KCND3: variants seen among roughly 807,000 people sequenced by gnomAD.
KCND3 encodes A-type voltage-gated potassium channel KCND3.
KCND3 carries 9 observed loss-of-function variants against 51.1 expected under a neutral mutation model. That is an observed-to-expected ratio of 0.18 (90% CI 0.11 to 0.31). The LOEUF is 0.31. Ranked by LOEUF, KCND3 falls within the 10% of genes least tolerant of loss-of-function variation. The probability of loss-of-function intolerance (pLI) is 1.00; values close to 1 mark genes in which losing one functional copy is unlikely to be tolerated. For missense variants in KCND3, 526 were observed against 903.8 expected (o/e 0.58, Z 5.36); for synonymous variants, 349 against 368.0 (o/e 0.95, Z 0.59).
At chr1:111,867,377 T>C (rs367880449) in intron 2 of KCND3, among the ~76,000 whole-genome samples, 7 of 152,226 alleles carry the variant, frequency 4.6e-5, no homozygotes, top group Non-Finnish European at 8.8e-5. Context: ...CAGGATTTAC[T>C]GAAAACAGGA....
rs114817292 is a variant in KCND3 at position 111,953,823 on chromosome 1, A to G, written c.1106+27798T>C. Among the ~76,000 whole-genome samples the G allele has an allele frequency of 3.0e-3, 453 of 152,304 alleles. 3 individuals are homozygous for G. The highest frequency in any genetic ancestry group is 0.01 in the African/African-American group (434 of 41,566). Reference sequence around the variant, plus strand: ...CTGCTCTCCTCTCCCTGCCTGCCTCAGTTCCAACCCAGGGACGCTTTGGTT... The same window carrying G: ...CTGCTCTCCTCTCCCTGCCTGCCTCGGTTCCAACCCAGGGACGCTTTGGTT... On this transcript the variant is annotated intron_variant, in intron 2 of 7. Coordinates refer to ENST00000302127, the MANE Select transcript of KCND3 (RefSeq NM_001378969.1).
At position 111,909,160 on chromosome 1, in the gene KCND3, A is replaced by G. The variant is rs190637747; in HGVS notation, c.1106+72461T>C. On this transcript the variant is annotated intron_variant, in intron 2 of 7. Transcript: ENST00000302127. ...CCACACACACTCTTTCATGCAGTCA[A>G]CATTCCTGCCCCACAATAGGTGTGA... 1.7e-4 allele frequency among the ~76,000 whole-genome samples: 26 copies of G among 152,220 alleles called. No individual in the cohort carries two copies. The East Asian group carries it at 3.1e-3, about 18-fold the overall frequency.
intron 2 of KCND3, among the ~76,000 whole-genome samples, chr1:111,806,677 AT>A (rs766892479): frequency 1.3e-5 from 2 of 152,268 alleles, no homozygotes; most frequent in African/African-American, 2.4e-5. Flanking sequence ...TCTTAAAAAC[AT>A]CAAAGACATA....
At chr1:111,817,472 G>C (rs1448232044) in intron 2 of KCND3, among the ~76,000 whole-genome samples, 1 of 152,116 alleles carries the variant, frequency 6.6e-6, no homozygotes, top group Non-Finnish European at 1.5e-5. Flanking sequence ...GTTTATTATA[G>C]CACAGACCCG....
chr1:111,854,326 G>A (rs1667956664), intron 2 of KCND3, among the ~76,000 whole-genome samples: 1 of 152,248 alleles, frequency 6.6e-6, no homozygotes, highest in Non-Finnish European at 1.5e-5. Context: ...ATTGTTCTGT[G>A]TTTTAATTTG....
chr1:111,777,419 G>A (rs1664177406), intron 6 of KCND3, 146 bp from the exon 7 acceptor site: 23 of 846,584 alleles, frequency 2.7e-5, no homozygotes, highest in Middle Eastern at 3.3e-4. Flanking sequence ...GCATTCAGGA[G>A]GGGTGATGTC....
chr1:111,985,262 C>T (rs1433117542), intron 1 of KCND3, among the ~76,000 whole-genome samples: 1 of 152,146 alleles, frequency 6.6e-6, no homozygotes, highest in Admixed American at 6.5e-5. Flanking sequence ...CTCAAGAGAT[C>T]CCACCGACAA....
At chr1:111,872,443 C>T (rs774646955) in intron 2 of KCND3, among the ~76,000 whole-genome samples, 2 of 152,122 alleles carry the variant, frequency 1.3e-5, no homozygotes, top group African/African-American at 4.8e-5. Context: ...ACCTGTGAAC[C>T]TTTTTATCAT....
chr1:111,828,963 C>T (rs939194033), intron 2 of KCND3, among the ~76,000 whole-genome samples: 9 of 152,214 alleles, frequency 5.9e-5, no homozygotes, highest in Admixed American at 4.6e-4. Context: ...GGCTTTCTGC[C>T]TTTCTCAGTA....
rs72548738 is a variant in KCND3, at chr1:111,775,819, A to AC, written c.*257dup. On this transcript the variant is annotated 3_prime_UTR_variant, in exon 8 of 8. Transcript: ENST00000302127. ...GCCTATATCCCCCGGCCTATCCCCG[A>AC]CCCCCCCACCCTCCCTCCCTTCCTC... is the stretch of plus-strand genomic sequence containing the variant. 0.044 allele frequency: 4,367 copies of AC among 98,172 alleles called. 314 individuals are homozygous for AC. Among genetic ancestry groups the AC allele is most frequent in the Non-Finnish European group, 0.054 (2,786 of 51,418 alleles). 6.1% of individuals were successfully genotyped at this position (98,172 alleles called of 1,614,324 possible).
In KCND3 at chr1:111,771,156, G is replaced by A. The variant is rs1035265975; in HGVS notation, c.*4921C>T. The A allele has an allele frequency of 6.6e-6, 1 of 152,170 alleles. No homozygotes were observed. Among genetic ancestry groups the A allele is most frequent in the African/African-American group, 2.4e-5 (1 of 41,448 alleles). 9.4% of individuals were successfully genotyped at this position (152,170 alleles called of 1,614,324 possible). On this transcript the variant is annotated 3_prime_UTR_variant, in exon 8 of 8. Transcript: ENST00000302127. ...AGTTGAGTAACCTGCTAAGATAAAT[G>A]TCATTCCCACACTTGAGAAAAAACA...
At chr1:111,958,372 G>T (rs544046649) in intron 2 of KCND3, among the ~76,000 whole-genome samples, 3 of 152,136 alleles carry the variant, frequency 2.0e-5, no homozygotes, top group Non-Finnish European at 2.9e-5. Flanking sequence ...AGGTCCATTC[G>T]CAGTGCTCAG....
chr1:111,946,036 G>A (rs1228392351), intron 2 of KCND3, among the ~76,000 whole-genome samples: 1 of 152,236 alleles, frequency 6.6e-6, no homozygotes, highest in African/African-American at 2.4e-5. Context: ...TGAGTATTAA[G>A]TGTGTACATA....
chr1:111,965,438 C>CCACACACACACACACACACA (rs56156826), intron 2 of KCND3, among the ~76,000 whole-genome samples: 1,590 of 72,326 alleles, frequency 0.022, 262 homozygotes, highest in East Asian at 0.027. Flanking sequence ...GCCAGCAAAA[C>CCACACACACACACACACACA]CACACACACA....
chr1:111,914,274 A>T (rs1671090976), intron 2 of KCND3, among the ~76,000 whole-genome samples: 1 of 83,900 alleles, frequency 1.2e-5, no homozygotes, highest in African/African-American at 3.9e-5. Context: ...AAAAAGATTA[A>T]AAAAAAAAAA....
intron 2 of KCND3, among the ~76,000 whole-genome samples, chr1:111,959,507 T>C (rs1557747480): frequency 6.6e-6 from 1 of 152,112 alleles, no homozygotes. Flanking sequence ...TTCCTAAAGG[T>C]CACCAGGGTT....
At chr1:111,951,355 A>T (rs943559339) in intron 2 of KCND3, among the ~76,000 whole-genome samples, 19 of 151,922 alleles carry the variant, frequency 1.3e-4, no homozygotes, top group African/African-American at 4.6e-4. Context: ...CCTTGCCCAT[A>T]CCTCAGTTCT....
intron 5 of KCND3, 73 bp from the exon 6 acceptor site, chr1:111,778,565 G>T: frequency 1.4e-6 from 2 of 1,408,174 alleles, no homozygotes; most frequent in South Asian, 2.3e-5. Context: ...AGCCAGTTTT[G>T]ACATTCAATC....
At chr1:111,879,827 A>G (rs958680640) in intron 2 of KCND3, among the ~76,000 whole-genome samples, 3 of 152,322 alleles carry the variant, frequency 2.0e-5, no homozygotes, top group African/African-American at 4.8e-5. Context: ...AGACTTGAGT[A>G]GGTGCATCCA....
Sources: allele counts gnomAD v4.1 joint callset (sites outside exome capture counted in the v4.1 genomes callset), GRCh38; gene constraint gnomAD v4.1.1; transcripts MANE v1.5; gene names NCBI Gene and HGNC (gene_info 2026-07-23, HGNC 2026-07-21).